The following IL4 variants were observed in gnomAD, a reference collection of about 807,000 sequenced individuals.
IL4 encodes the protein interleukin-4.
Under a neutral mutation model 17.4 loss-of-function variants are expected in IL4, and 10 were observed. That is an observed-to-expected ratio of 0.57 (90% CI 0.35 to 0.97). The LOEUF (loss-of-function observed/expected upper bound fraction) is 0.97. Ranked by LOEUF, IL4 falls within the 50% of genes least tolerant of loss-of-function variation. IL4 has a pLI of 0.01. For synonymous variants in IL4, 87 were observed against 79.0 expected (o/e 1.10, Z -0.54); for missense variants, 174 against 187.7 (o/e 0.93, Z 0.43).
chr5:132,676,590 C>T (rs1284133424), intron 2 of IL4, among the ~76,000 whole-genome samples: 1 of 152,160 alleles, frequency 6.6e-6, no homozygotes, highest in Non-Finnish European at 1.5e-5. Context: ...CACTCTTACC[C>T]GTCTCATTTG....
chr5:132,679,933 T>C, intron 3 of IL4, 43 bp downstream of exon 3: 1 of 1,550,320 alleles, frequency 6.5e-7, no homozygotes, highest in East Asian at 2.3e-5. Flanking sequence ...GCGTGGCTCC[T>C]GGTGGACAGC....
At chr5:132,678,299 GGAAATGCT>G (rs1376425641) in intron 2 of IL4, among the ~76,000 whole-genome samples, 2 of 148,706 alleles carry the variant, frequency 1.3e-5, no homozygotes, top group Non-Finnish European at 3.0e-5. Flanking sequence ...GAAGGGCTTA[GGAAATGCT>G]TATGGTATAT....
chr5:132,679,002 C>A (rs71645914), intron 2 of IL4, among the ~76,000 whole-genome samples: 42 of 152,346 alleles, frequency 2.8e-4, no homozygotes, highest in Middle Eastern at 3.4e-3. Context: ...GGCCAAAAGG[C>A]CCCTTACAGA....
chr5:132,679,143 A>C (rs1158496794), intron 2 of IL4, among the ~76,000 whole-genome samples: 1 of 152,210 alleles, frequency 6.6e-6, no homozygotes, highest in Admixed American at 6.5e-5. Context: ...CACTTGGGCC[A>C]TGTGCTGCTC....
intron 1 of IL4, 21 bp from the exon 2 acceptor site, chr5:132,674,438 C>T (rs1752340832): frequency 6.2e-7 from 1 of 1,613,206 alleles, no homozygotes; most frequent in Admixed American, 1.7e-5. Flanking sequence ...CTCTTGCTCT[C>T]TCATTTCTGC....
chr5:132,674,339 TTC>T, intron 1 of IL4, 118 bp from the exon 2 acceptor site: 2 of 1,356,258 alleles, frequency 1.5e-6, no homozygotes, highest in Admixed American at 3.5e-5. Context: ...CCACTCTTTT[TTC>T]TGAGGGTTTG....
At position 132,680,007 on chromosome 5, in the gene IL4, C is replaced by T. The variant is rs1375199364; in HGVS notation, c.360+117C>T. On this transcript the variant is annotated intron_variant, in intron 3 of 3. Transcript: ENST00000231449. This position sits in a 1 kb window ranked among gnomAD's most constrained non-coding sequence, Gnocchi z 4.3. ...CTTGGTCAACCCATTCATTCATTCA[C>T]TCATTCAATAAGTATTTGCTGAAGT... The T allele has an allele frequency of 2.4e-6, 2 of 841,184 alleles. No homozygotes were observed. Among genetic ancestry groups the T allele is most frequent in the Non-Finnish European group, 3.7e-6 (2 of 547,902 alleles). The allele number at this position is 841,184 out of a possible 1,614,324, so 52.1% of individuals were successfully genotyped here. A position where few individuals can be genotyped will look rare whatever the true frequency, so the allele number is the denominator to read the frequency against.
Position 132,680,653 on chromosome 5 carries a change from T to TG in IL4, c.360+764dup. On this transcript the variant is annotated intron_variant, in intron 3 of 3. Coordinates refer to ENST00000231449, the MANE Select transcript of IL4 (RefSeq NM_000589.4). The surrounding 1 kb of genome is among the most constrained non-coding windows in gnomAD (Gnocchi z 4.3). ...AGAGATGATGGTGGCGTGGACAGAA[T>TG]GAAGCAAGATGGCCTGTTGGGAGGC... Among the ~76,000 whole-genome samples, 1 of 143,584 alleles carries TG rather than the reference T, an allele frequency of 7.0e-6. No homozygotes were observed. Among genetic ancestry groups the TG allele is most frequent in the Admixed American group, 7.0e-5 (1 of 14,218 alleles). The allele number at this position is 143,584 out of a possible 152,430, so 94.2% of individuals were successfully genotyped here. A position where few individuals can be genotyped will look rare whatever the true frequency, so the allele number is the denominator to read the frequency against.
At chr5:132,677,250 C>T (rs1429513110) in intron 2 of IL4, among the ~76,000 whole-genome samples, 2 of 152,204 alleles carry the variant, frequency 1.3e-5, no homozygotes, top group Non-Finnish European at 2.9e-5. Flanking sequence ...CTCACAGAGT[C>T]ACTGCCACAG....
intron 2 of IL4, among the ~76,000 whole-genome samples, chr5:132,677,567 C>A (rs1752404192): frequency 6.6e-6 from 1 of 152,230 alleles, no homozygotes; most frequent in Non-Finnish European, 1.5e-5. Context: ...AGACTCTTTT[C>A]AATTCTTATT....
At chr5:132,674,852 C>T (rs947146402) in intron 2 of IL4, among the ~76,000 whole-genome samples, 1 of 152,230 alleles carries the variant, frequency 6.6e-6, no homozygotes, top group Non-Finnish European at 1.5e-5. Flanking sequence ...CTGGCCCATA[C>T]ATTTCTGAAA....
At chr5:132,678,176 T>C (rs987943548) in intron 2 of IL4, among the ~76,000 whole-genome samples, 2 of 152,234 alleles carry the variant, frequency 1.3e-5, no homozygotes, top group African/African-American at 4.8e-5. Flanking sequence ...GTTTACTCAC[T>C]GCCGCTTATT....
chr5:132,673,991 C>T lies in IL4; in HGVS notation c.-60C>T, dbSNP rs201537760. On this transcript the variant is annotated 5_prime_UTR_variant, in exon 1 of 4. Coordinates refer to ENST00000231449, the MANE Select transcript of IL4 (RefSeq NM_000589.4). ...AGAGATATCTTTGTCAGCATTGCAT[C>T]GTTAGCTTCTCCTGATAAACTAATT... The T allele has an allele frequency of 1.1e-5, 16 of 1,506,828 alleles. No homozygotes were observed. Among genetic ancestry groups the T allele is most frequent in the Middle Eastern group, 1.7e-4 (1 of 5,890 alleles). The allele number at this position is 1,506,828 out of a possible 1,614,324, so 93.3% of individuals were successfully genotyped here.
intron 1 of IL4, 77 bp from the exon 2 acceptor site, chr5:132,674,382 A>C: frequency 2.1e-6 from 3 of 1,454,656 alleles, no homozygotes; most frequent in Non-Finnish European, 2.9e-6. Flanking sequence ...AGGGAGTGAG[A>C]GCTGCTCATC....
intron 2 of IL4, 48 bp downstream of exon 2, chr5:132,674,554 C>T (rs200691587): frequency 4.4e-5 from 66 of 1,484,922 alleles, no homozygotes; most frequent in Non-Finnish European, 5.5e-5. Flanking sequence ...GAGATCCATC[C>T]CCAAATGTCT....
Position 132,679,767 on chromosome 5 carries a change from C to A in IL4, c.237C>A (p.Phe79Leu), listed in dbSNP as rs781616317. 107 of 1,613,966 alleles carry A rather than the reference C, an allele frequency of 6.6e-5. No individual in the cohort carries two copies. The highest frequency in any genetic ancestry group is 8.8e-5 in the Non-Finnish European group (104 of 1,179,966). ...FCRAATVLRQ[F>L]YSHHEKDTRC... ...GGGCTGCGACTGTGCTCCGGCAGTT[C>A]TACAGCCACCATGAGAAGGACACTC... The change falls in exon 3 of 4, where the codon TTC becomes TTA. Residue 79 changes from phenylalanine to leucine, a missense_variant. Transcript: ENST00000231449.
At chr5:132,679,246 C>A (rs961357200) in intron 2 of IL4, among the ~76,000 whole-genome samples, 4 of 152,194 alleles carry the variant, frequency 2.6e-5, no homozygotes, top group Non-Finnish European at 5.9e-5. Context: ...AACAGGCATG[C>A]AGGATTTCCA....
chr5:132,679,140 G>T (rs2243274), intron 2 of IL4, among the ~76,000 whole-genome samples: 2 of 152,112 alleles, frequency 1.3e-5, no homozygotes, highest in South Asian at 4.1e-4. Context: ...CCTCACTTGG[G>T]CCATGTGCTG....
intron 2 of IL4, among the ~76,000 whole-genome samples, chr5:132,674,991 CT>C (rs1203565861): frequency 6.6e-6 from 1 of 152,224 alleles, no homozygotes; most frequent in African/African-American, 2.4e-5. Context: ...GCCTGGCCAC[CT>C]AACAGCCCTC....
Sources: allele counts gnomAD v4.1 joint callset (sites outside exome capture counted in the v4.1 genomes callset), GRCh38; gene constraint gnomAD v4.1.1; non-coding constraint Gnocchi (gnomAD v3.1); transcripts MANE v1.5; gene names NCBI Gene and HGNC (gene_info 2026-07-23, HGNC 2026-07-21).